SLC38A4: variants seen among roughly 807,000 people sequenced by gnomAD.
SLC38A4 encodes the protein solute carrier family 38 member 4.
A neutral mutation model predicts 63.1 loss-of-function variants in SLC38A4; 20 were observed. That is an observed-to-expected ratio of 0.32 (90% CI 0.22 to 0.46). The LOEUF (loss-of-function observed/expected upper bound fraction) is 0.46. Among genes scored for constraint, SLC38A4 ranks in the 20% least tolerant of loss-of-function variants. The pLI, the probability that SLC38A4 is intolerant of heterozygous loss-of-function variation, is 1.00. For synonymous variants in SLC38A4, 230 were observed against 225.5 expected, an observed-to-expected ratio of 1.02 and a Z score of -0.18; for missense variants, 526 against 663.6, an observed-to-expected ratio of 0.79 and a Z score of 2.28.
chr12:46,796,885 C>A (rs1018097445), intron 2 of SLC38A4, among the ~76,000 whole-genome samples: 1 of 152,088 alleles, frequency 6.6e-6, no homozygotes. Flanking sequence ...TCTATGCCTC[C>A]TCTTTGTCTT....
intron 2 of SLC38A4, 79 bp from the exon 3 acceptor site, chr12:46,793,262 T>C (rs1271298048): frequency 7.6e-6 from 3 of 393,602 alleles, no homozygotes; most frequent in Non-Finnish European, 1.4e-5. Flanking sequence ...ACATTTTGTA[T>C]GCTCTCTGTA....
At chr12:46,823,546 A>G (rs148835469) in intron 1 of SLC38A4, among the ~76,000 whole-genome samples, 1 of 152,312 alleles carries the variant, frequency 6.6e-6, no homozygotes, top group East Asian at 1.9e-4. Flanking sequence ...GACAAGGAAT[A>G]TTTTTCTGGT....
intron 2 of SLC38A4, among the ~76,000 whole-genome samples, chr12:46,803,361 C>G (rs1223733086): frequency 6.6e-6 from 1 of 151,964 alleles, no homozygotes; most frequent in Non-Finnish European, 1.5e-5. Flanking sequence ...TTATTATTCA[C>G]TGTCCTAATT....
chr12:46,784,663 A>G (rs765045778), intron 6 of SLC38A4, 29 bp from the exon 7 acceptor site: 20 of 1,553,534 alleles, frequency 1.3e-5, no homozygotes, highest in Non-Finnish European at 1.7e-5. Context: ...TAGCCTTGTT[A>G]AAGAGATTGT....
Position 46,788,585 on chromosome 12 carries a change from T to A in SLC38A4, c.153A>T (p.Lys51Asn). 6.2e-7 allele frequency: 1 copy of A among 1,613,746 alleles called. No homozygotes were observed. The stretch of plus-strand genomic sequence containing the variant: ...TCCCCAAAAATCCATTTGTCAGGAA[T>A]TTCTGACTTTCAGTGTCTTCATTAG... Reference protein sequence around the residue: ...QFANEDTESQKFLTNGFLGKK... With the variant: ...QFANEDTESQNFLTNGFLGKK... Residue 51 changes from lysine to asparagine, a missense_variant, in exon 4 of 17, where the codon AAA becomes AAT. Transcript: ENST00000266579.
upstream of SLC38A4, among the ~76,000 whole-genome samples, chr12:46,829,127 T>C (rs1939697009): frequency 6.6e-6 from 1 of 152,234 alleles, no homozygotes; most frequent in Admixed American, 6.5e-5. Context: ...ATTTCCTGTC[T>C]GTAAAACAGA....
At chr12:46,810,454 T>C (rs2120888795) in intron 1 of SLC38A4, among the ~76,000 whole-genome samples, 1 of 151,754 alleles carries the variant, frequency 6.6e-6, no homozygotes, top group East Asian at 2.0e-4. Context: ...GACAGGTTGA[T>C]GGGTGCAGCA....
Position 46,766,559 on chromosome 12 carries a change from G to A in SLC38A4, c.*142C>T, listed in dbSNP as rs1368418261. ...ACAGTGATTTTCCTCTTCTGCAGGT[G>A]CCTGGTGATATTACTGGTAAACGTC... On this transcript the variant is annotated 3_prime_UTR_variant, in exon 17 of 17. Coordinates refer to ENST00000266579, the MANE Select transcript of SLC38A4 (RefSeq NM_018018.5). 1 of 713,632 alleles carries A rather than the reference G, an allele frequency of 1.4e-6. No homozygotes were observed. The highest frequency in any genetic ancestry group is 1.5e-5 in the South Asian group (1 of 66,944). The allele number at this position is 713,632 out of a possible 1,614,324, so 44.2% of individuals were successfully genotyped here.
chr12:46,777,540 T>C (rs1416140213), intron 12 of SLC38A4, among the ~76,000 whole-genome samples: 2 of 152,020 alleles, frequency 1.3e-5, no homozygotes, highest in Admixed American at 6.6e-5. Context: ...TTGAAAGTGT[T>C]CTGAAATTTT....
At chr12:46,769,474 C>T in intron 14 of SLC38A4, 46 bp from the exon 15 acceptor site, 1 of 1,584,228 alleles carries the variant, frequency 6.3e-7, no homozygotes, top group Non-Finnish European at 8.6e-7. Context: ...TTGTTTTTGA[C>T]TTTATCTATT....
chr12:46,831,670 C>A (rs975978602), intron 1 of SLC38A4, among the ~76,000 whole-genome samples: 1 of 152,242 alleles, frequency 6.6e-6, no homozygotes, highest in African/African-American at 2.4e-5. Flanking sequence ...GTACCCCGCC[C>A]GGGGAATCAT....
intron 2 of SLC38A4, among the ~76,000 whole-genome samples, chr12:46,802,398 TTTC>T (rs1206088758): frequency 7.9e-5 from 12 of 152,054 alleles, no homozygotes; most frequent in African/African-American, 2.9e-4. Context: ...GAGGTACTTT[TTTC>T]TTCTTCTTAG....
rs781478074 is a variant in SLC38A4, at chr12:46,768,293, T to C, written c.1542+17A>G. The C allele has an allele frequency of 5.1e-6, 8 of 1,562,604 alleles. No individual in the cohort carries two copies. In the Admixed American group the frequency reaches 1.0e-4, roughly 20 times the overall value. On this transcript the variant is annotated intron_variant, in intron 16 of 16. Coordinates refer to ENST00000266579, the MANE Select transcript of SLC38A4 (RefSeq NM_018018.5). ...GAAGAACAACTAATAATGGGGGAAA[T>C]TGCAAGGTTTACTTACCCCGACCTT...
intron 3 of SLC38A4, among the ~76,000 whole-genome samples, chr12:46,792,550 G>A (rs1938912049): frequency 6.6e-6 from 1 of 152,098 alleles, no homozygotes; most frequent in African/African-American, 2.4e-5. Context: ...TTAACAGGCT[G>A]GGTATATGGC....
In SLC38A4 at chr12:46,775,207, T is replaced by C. The variant is rs751795652; in HGVS notation, c.1175-34A>G. ...GGAAAAAGAGAATGAAACCGCTTGG[T>C]GTTGTCAAATCAGCACAGGTCACTT... On this transcript the variant is annotated intron_variant, in intron 13 of 16. Transcript: ENST00000266579. The C allele has an allele frequency of 6.2e-6, 10 of 1,603,570 alleles. No individual in the cohort carries two copies. In the East Asian group the frequency reaches 2.2e-4, roughly 36 times the overall value.
At chr12:46,820,778 A>G (rs1233005851) in intron 1 of SLC38A4, among the ~76,000 whole-genome samples, 1 of 151,968 alleles carries the variant, frequency 6.6e-6, no homozygotes, top group Non-Finnish European at 1.5e-5. Context: ...GCCTGTACTA[A>G]TTTATATCCG....
At chr12:46,795,968 TA>T (rs1339001819) in intron 2 of SLC38A4, among the ~76,000 whole-genome samples, 4 of 151,978 alleles carry the variant, frequency 2.6e-5, no homozygotes, top group East Asian at 3.9e-4. Flanking sequence ...TTTCTAAAAA[TA>T]AAAAAAGTTC....
At chr12:46,809,881 G>A (rs1235286317) in intron 1 of SLC38A4, among the ~76,000 whole-genome samples, 1 of 148,008 alleles carries the variant, frequency 6.8e-6, no homozygotes, top group East Asian at 2.2e-4. Flanking sequence ...CTCCTTTTTT[G>A]TTTACCTTGA....
Position 46,765,442 on chromosome 12 carries a change from A to G in SLC38A4, c.*1259T>C. On this transcript the variant is annotated 3_prime_UTR_variant, in exon 17 of 17. Transcript: ENST00000266579. ...TATTTTAGATATGCTAAATTAAAAG[A>G]ACAACTTTAGTATGATAAAAATTTG... 2.8e-6 allele frequency: 1 copy of G among 362,884 alleles called. No homozygotes were observed. Among genetic ancestry groups the G allele is most frequent in the Non-Finnish European group, 5.3e-6 (1 of 189,682 alleles). 22.5% of individuals were successfully genotyped at this position (362,884 alleles called of 1,614,324 possible).
Sources: gnomAD v4.1 joint callset for allele counts (sites outside exome capture counted in the v4.1 genomes callset) on GRCh38, gnomAD v4.1.1 for gene constraint, MANE v1.5 for transcripts, NCBI Gene and HGNC (gene_info 2026-07-23, HGNC 2026-07-21) for gene names.